ZC3H12B: variants seen among roughly 807,000 people sequenced by gnomAD.
ZC3H12B encodes the protein probable ribonuclease ZC3H12B.
Under a neutral mutation model 43.9 loss-of-function variants are expected in ZC3H12B, and 7 were observed. The observed-to-expected ratio is 0.16, with a 90% CI of 0.09 to 0.30. The LOEUF (loss-of-function observed/expected upper bound fraction) is 0.30, where lower values mean the gene tolerates loss of function less well. ZC3H12B is among the 10% of genes least tolerant of loss of function. The pLI is 1.00. For missense variants in ZC3H12B, 475 were observed against 670.2 expected, an observed-to-expected ratio of 0.71 and a Z score of 3.22; for synonymous variants, 222 against 241.7, an observed-to-expected ratio of 0.92 and a Z score of 0.76.
At chrX:65,396,606 A>T (rs1350589040) in intron 2 of ZC3H12B, among the ~76,000 whole-genome samples, 1 of 109,718 alleles carries the variant, frequency 9.1e-6, no homozygotes, top group East Asian at 2.8e-4. Context: ...TTTGCTGAGA[A>T]GTGTTTTACT....
At chrX:65,490,379 GA>G (rs1032989325) in intron 1 of ZC3H12B, among the ~76,000 whole-genome samples, 1,143 of 54,994 alleles carry the variant, frequency 0.021, 7 homozygotes, top group South Asian at 0.045. Context: ...ACTGTTTCAG[GA>G]AAAAAAAAAA....
the ZC3H12B span, among the ~76,000 whole-genome samples, chrX:65,184,072 A>G: frequency 6.3e-5 from 7 of 111,370 alleles, no homozygotes; most frequent in Non-Finnish European, 1.1e-4. Context: ...TTGATATTAT[A>G]TATGTAAAGC....
At chrX:65,339,611 G>T in the ZC3H12B span, among the ~76,000 whole-genome samples, 14 of 111,781 alleles carry the variant, frequency 1.3e-4, no homozygotes, top group Non-Finnish European at 2.5e-4. Context: ...GGAAATGTCA[G>T]ACCTGAACTC....
chrX:65,458,132 A>T (rs1422310798), intron 3 of ZC3H12B, among the ~76,000 whole-genome samples: 3 of 104,930 alleles, frequency 2.9e-5, no homozygotes, highest in Non-Finnish European at 5.9e-5. Flanking sequence ...ATAATGGTAA[A>T]GGGATCAATT....
chrX:65,262,874 C>T, the ZC3H12B span, among the ~76,000 whole-genome samples: 1 of 110,660 alleles, frequency 9.0e-6, no homozygotes, highest in Non-Finnish European at 1.9e-5. Context: ...TCTCCACCCC[C>T]TCTTACTCAC....
the ZC3H12B span, among the ~76,000 whole-genome samples, chrX:65,213,874 C>G: frequency 9.6e-6 from 1 of 104,067 alleles, no homozygotes; most frequent in Non-Finnish European, 1.9e-5. Context: ...CATTTGAAGG[C>G]AACGTAAAAA....
chrX:65,095,240 A>G, the ZC3H12B span, among the ~76,000 whole-genome samples: 4 of 111,921 alleles, frequency 3.6e-5, no homozygotes, highest in Admixed American at 1.9e-4. Flanking sequence ...ATCAATACAG[A>G]TGACCAAACC....
chrX:65,150,911 C>T, the ZC3H12B span, among the ~76,000 whole-genome samples: 1 of 111,240 alleles, frequency 9.0e-6, no homozygotes, highest in African/African-American at 3.3e-5. Context: ...GCCTCCCCTT[C>T]CTAGTTGTTT....
At chrX:65,473,188 G>A (rs2067950510) in intron 3 of ZC3H12B, among the ~76,000 whole-genome samples, 1 of 106,393 alleles carries the variant, frequency 9.4e-6, no homozygotes, top group Admixed American at 1.0e-4. Flanking sequence ...TAATTTTTTT[G>A]TATTTTTAGT....
At chrX:65,455,914 G>A (rs776854910) in intron 3 of ZC3H12B, among the ~76,000 whole-genome samples, 1 of 111,844 alleles carries the variant, frequency 8.9e-6, no homozygotes, top group South Asian at 3.8e-4. Context: ...ATCCTTTACA[G>A]ACAAGCAAAT....
chrX:65,215,568 T>G, the ZC3H12B span, among the ~76,000 whole-genome samples: 1 of 111,220 alleles, frequency 9.0e-6, no homozygotes, highest in African/African-American at 3.3e-5. Flanking sequence ...GGTTTTGGCT[T>G]AAGGGAATTT....
chrX:65,467,712 T>G (rs888645272), intron 3 of ZC3H12B, among the ~76,000 whole-genome samples: 12 of 112,141 alleles, frequency 1.1e-4, no homozygotes, highest in African/African-American at 3.9e-4. Flanking sequence ...TGATGTTGAG[T>G]ATTTTTTCAT....
the ZC3H12B span, among the ~76,000 whole-genome samples, chrX:65,204,370 G>T: frequency 9.0e-6 from 1 of 111,439 alleles, no homozygotes; most frequent in Non-Finnish European, 1.9e-5. Context: ...AGAGGTTTGG[G>T]GAGAGCGAGT....
At position 65,421,747 on chromosome X, in the gene ZC3H12B, G is replaced by C. The variant is rs187392862; in HGVS notation, n.407+23043G>C. Among the ~76,000 whole-genome samples the C allele has an allele frequency of 5.8e-3, 644 of 111,416 alleles. 2 individuals carry two copies. Among genetic ancestry groups the C allele is most frequent in the African/African-American group, 0.02 (611 of 30,688 alleles). On this transcript the variant is annotated intron_variant and non_coding_transcript_variant, in intron 3 of 5. Coordinates refer to the ZC3H12B transcript ENST00000617377. ...GAGGCTGAGGCAGGCGGATCACGAG[G>C]TCAGGAGATCGAGACCACGGTGAAA...
chrX:65,142,133 G>T, the ZC3H12B span, among the ~76,000 whole-genome samples: 5 of 112,051 alleles, frequency 4.5e-5, no homozygotes, highest in African/African-American at 1.6e-4. Context: ...CACCAGCAGT[G>T]TAGAAGTATT....
At chrX:65,157,505 A>G in the ZC3H12B span, among the ~76,000 whole-genome samples, 2 of 111,808 alleles carry the variant, frequency 1.8e-5, no homozygotes, top group Admixed American at 1.9e-4. Flanking sequence ...TTTGCCATTA[A>G]TATAGCTACA....
In ZC3H12B at chrX:65,373,592, G is replaced by C. The variant is rs1369150886; in HGVS notation, n.295+4594G>C. Among the ~76,000 whole-genome samples, 3 of 107,475 alleles carry C rather than the reference G, an allele frequency of 2.8e-5. No homozygotes were observed. The East Asian group carries it at 8.9e-4, about 32-fold the overall frequency. The allele number at this position is 107,475 out of a possible 115,157, so 93.3% of individuals were successfully genotyped here. ...AAGGATGAGTTCATGTCCTTTGTAG[G>C]GACATGGATGAAGCTGGAAACCATC... On this transcript the variant is annotated intron_variant and non_coding_transcript_variant, in intron 2 of 5. Transcript: ENST00000617377.
chrX:65,270,761 C>A, the ZC3H12B span, among the ~76,000 whole-genome samples: 1 of 111,693 alleles, frequency 9.0e-6, no homozygotes, highest in African/African-American at 3.3e-5. Flanking sequence ...TTGGCACTGA[C>A]TTCTGGAAGA....
the ZC3H12B span, among the ~76,000 whole-genome samples, chrX:65,284,249 C>CA: frequency 1.7e-3 from 142 of 83,503 alleles, 1 homozygote; most frequent in African/African-American, 3.1e-3. Flanking sequence ...CACACACACA[C>CA]ACAAAAAAAA....
Sources: allele counts gnomAD v4.1 joint callset (sites outside exome capture counted in the v4.1 genomes callset), GRCh38; gene constraint gnomAD v4.1.1; transcripts MANE v1.5; gene names NCBI Gene and HGNC (gene_info 2026-07-23, HGNC 2026-07-21).